PTPRG: variants seen among roughly 807,000 people sequenced by gnomAD.
PTPRG encodes receptor-type tyrosine-protein phosphatase gamma.
A neutral mutation model predicts 165.3 loss-of-function variants in PTPRG; 102 were observed. The observed-to-expected ratio is 0.62, with a 90% CI of 0.53 to 0.73. PTPRG has a LOEUF of 0.73. Ranked by LOEUF, PTPRG falls within the 30% of genes least tolerant of loss-of-function variation. The pLI is 0.00. For synonymous variants in PTPRG, 675 were observed against 669.5 expected (o/e 1.01, Z -0.13); for missense variants, 1,866 against 1,861.4 (o/e 1.00, Z -0.05).
chr3:62,235,380 A>G (rs551818583), intron 14 of PTPRG, among the ~76,000 whole-genome samples: 83 of 152,304 alleles, frequency 5.4e-4, no homozygotes, highest in African/African-American at 1.8e-3. Context: ...AATAGCTGGA[A>G]GTCTTGGGAA....
intron 1 of PTPRG, among the ~76,000 whole-genome samples, chr3:61,593,370 C>G (rs1700621003): frequency 6.8e-6 from 1 of 147,966 alleles, no homozygotes; most frequent in Non-Finnish European, 1.5e-5. Flanking sequence ...TCAGCATTTC[C>G]TTTGTTAGCT....
At chr3:62,204,923 T>C (rs1700190564) in intron 12 of PTPRG, among the ~76,000 whole-genome samples, 1 of 152,162 alleles carries the variant, frequency 6.6e-6, no homozygotes, top group Non-Finnish European at 1.5e-5. Context: ...CTTTTCTTAA[T>C]AAGAAATTCT....
At chr3:62,023,865 A>T (rs1455130792) in intron 4 of PTPRG, among the ~76,000 whole-genome samples, 1 of 152,274 alleles carries the variant, frequency 6.6e-6, no homozygotes, top group East Asian at 1.9e-4. Flanking sequence ...TCATGAGAAC[A>T]TGAGATGTTG....
chr3:62,186,252 C>T (rs1705879832), intron 8 of PTPRG, among the ~76,000 whole-genome samples: 1 of 152,136 alleles, frequency 6.6e-6, no homozygotes, highest in Non-Finnish European at 1.5e-5. Context: ...CTGGCAGTGA[C>T]CCCAGGAATG....
intron 4 of PTPRG, among the ~76,000 whole-genome samples, chr3:62,021,565 T>G (rs1438041237): frequency 1.3e-5 from 2 of 152,212 alleles, no homozygotes; most frequent in African/African-American, 4.8e-5. Context: ...GGGCTAGAAT[T>G]AGTGATCAGT....
chr3:62,276,260 A>G (rs780550801), intron 24 of PTPRG, among the ~76,000 whole-genome samples: 17 of 152,196 alleles, frequency 1.1e-4, no homozygotes, highest in Non-Finnish European at 2.2e-4. Flanking sequence ...TATCTGACGT[A>G]GAATACAGCT....
chr3:62,169,018 C>T (rs1291546679), intron 8 of PTPRG, among the ~76,000 whole-genome samples: 1 of 152,168 alleles, frequency 6.6e-6, no homozygotes, highest in African/African-American at 2.4e-5. Context: ...GATGCTCCTT[C>T]TCTTCTCCCT....
intron 10 of PTPRG, among the ~76,000 whole-genome samples, chr3:62,197,623 G>A (rs1390727160): frequency 1.3e-5 from 2 of 152,178 alleles, no homozygotes; most frequent in South Asian, 2.1e-4. Flanking sequence ...GCTTGCTGAG[G>A]CCGGGGCCCT....
At chr3:61,608,020 A>T (rs1042119633) in intron 1 of PTPRG, among the ~76,000 whole-genome samples, 3 of 151,866 alleles carry the variant, frequency 2.0e-5, no homozygotes, top group African/African-American at 7.3e-5. Context: ...ATTTTTTTTT[A>T]ATGAATTCAG....
chr3:62,211,042 A>C (rs956039413), intron 12 of PTPRG, among the ~76,000 whole-genome samples: 3 of 152,182 alleles, frequency 2.0e-5, no homozygotes, highest in African/African-American at 7.2e-5. Context: ...TCAAAGAGGT[A>C]TTTGTAGACC....
intron 2 of PTPRG, among the ~76,000 whole-genome samples, chr3:61,774,512 G>T (rs1274867206): frequency 6.6e-6 from 1 of 152,168 alleles, no homozygotes; most frequent in Non-Finnish European, 1.5e-5. Context: ...CCTAACCAGA[G>T]TAGCACCAGA....
chr3:62,068,229 A>C (rs1355017208), intron 4 of PTPRG, among the ~76,000 whole-genome samples: 2 of 152,068 alleles, frequency 1.3e-5, no homozygotes, highest in Non-Finnish European at 2.9e-5. Flanking sequence ...CATTTAAACA[A>C]CCCTCCTGAG....
At chr3:61,846,900 G>T (rs1312945111) in intron 2 of PTPRG, among the ~76,000 whole-genome samples, 4 of 150,836 alleles carry the variant, frequency 2.7e-5, no homozygotes, top group African/African-American at 9.8e-5. Flanking sequence ...GGGTATCAGA[G>T]CTAGACCCTG....
chr3:61,694,606 A>G (rs1183307498), intron 1 of PTPRG, among the ~76,000 whole-genome samples: 3 of 152,222 alleles, frequency 2.0e-5, no homozygotes, highest in South Asian at 4.1e-4. Context: ...TTTATGTACT[A>G]AGATAGTTAT....
chr3:62,056,101 G>A (rs965474767), intron 4 of PTPRG, among the ~76,000 whole-genome samples: 6 of 152,148 alleles, frequency 3.9e-5, no homozygotes, highest in Admixed American at 1.3e-4. Flanking sequence ...AAATACATTC[G>A]TATCCAAGAA....
At chr3:61,626,773 T>G (rs1316261246) in intron 1 of PTPRG, among the ~76,000 whole-genome samples, 1 of 152,202 alleles carries the variant, frequency 6.6e-6, no homozygotes, top group Non-Finnish European at 1.5e-5. Context: ...ATTAAATGTA[T>G]TTTACATTTG....
chr3:62,176,534 A>G (rs1419746136), intron 8 of PTPRG, among the ~76,000 whole-genome samples: 1 of 152,142 alleles, frequency 6.6e-6, no homozygotes, highest in Non-Finnish European at 1.5e-5. Context: ...CCTTCCCTGA[A>G]TGAAGGAGCT....
chr3:61,938,525 T>C (rs1479401), intron 2 of PTPRG, among the ~76,000 whole-genome samples: 51,545 of 152,080 alleles, frequency 0.34, 9,743 homozygotes, highest in East Asian at 0.52. Flanking sequence ...AAATTGATTT[T>C]GCGTTCAGCC....
intron 5 of PTPRG, among the ~76,000 whole-genome samples, chr3:62,130,129 C>G (rs6793851): frequency 1.2e-3 from 178 of 152,312 alleles, no homozygotes; most frequent in Non-Finnish European, 2.0e-3. Flanking sequence ...CAGCCCATCT[C>G]TGTGGACTGC....
Sources: allele counts gnomAD v4.1 joint callset (sites outside exome capture counted in the v4.1 genomes callset), GRCh38; gene constraint gnomAD v4.1.1; transcripts MANE v1.5; gene names NCBI Gene and HGNC (gene_info 2026-07-23, HGNC 2026-07-21).